The following GPSM1 variants were observed in gnomAD, a reference collection of about 807,000 sequenced individuals.
GPSM1 encodes the protein G protein-signaling modulator 1.
A neutral mutation model predicts 70.5 loss-of-function variants in GPSM1; 48 were observed. The ratio of observed to expected loss-of-function variants is 0.68; its 90% confidence interval spans 0.54 to 0.87. GPSM1 has a LOEUF of 0.87. GPSM1 is among the 40% of genes least tolerant of loss of function. The pLI, the probability that GPSM1 is intolerant of heterozygous loss-of-function variation, is 0.00. For missense variants in GPSM1, 981 were observed against 972.6 expected, an observed-to-expected ratio of 1.01 and a Z score of -0.11; for synonymous variants, 416 against 430.1, an observed-to-expected ratio of 0.97 and a Z score of 0.41.
rs1832770133 is a variant in GPSM1 at position 136,354,828 on chromosome 9, G to A, written c.1456-862G>A. ...GAGGGCTGTGTAGGGCATGGACACA[G>A]GGAGCTCATGGCAGGGCTGACACAG... On this transcript the variant is annotated intron_variant, in intron 11 of 13. Transcript: ENST00000440944. The A allele has an allele frequency of 3.0e-6, 3 of 996,480 alleles. No individual in the cohort carries two copies. The South Asian group carries it at 1.3e-4, about 43-fold the overall frequency. The allele number at this position is 996,480 out of a possible 1,614,324, so 61.7% of individuals were successfully genotyped here.
chr9:136,328,586 C>CG (rs1480838094), intron 1 of GPSM1, among the ~76,000 whole-genome samples: 5 of 152,196 alleles, frequency 3.3e-5, no homozygotes, highest in South Asian at 2.1e-4. Flanking sequence ...CAGCTGATCC[C>CG]GGGGGGCGCC....
chr9:136,357,154 C>T (rs1206280525), intron 13 of GPSM1, among the ~76,000 whole-genome samples: 1 of 152,206 alleles, frequency 6.6e-6, no homozygotes, highest in African/African-American at 2.4e-5. Flanking sequence ...ACTGCTGAGC[C>T]AACTGCTATC....
intron 1 of GPSM1, among the ~76,000 whole-genome samples, chr9:136,331,236 G>A (rs1021790053): frequency 5.3e-5 from 8 of 152,164 alleles, no homozygotes; most frequent in Admixed American, 2.6e-4. Context: ...CCTGGGGAGC[G>A]GCATCCCCCA....
chr9:136,346,577 G>T (rs28505901), intron 9 of GPSM1, among the ~76,000 whole-genome samples: 1 of 152,050 alleles, frequency 6.6e-6, no homozygotes, highest in Non-Finnish European at 1.5e-5. Context: ...CCCCTTCCCA[G>T]TTGGGGGTGG....
chr9:136,339,937 T>C, intron 8 of GPSM1, 122 bp downstream of exon 8: 1 of 666,274 alleles, frequency 1.5e-6, no homozygotes, highest in South Asian at 1.7e-5. Flanking sequence ...TCAGGGCCAT[T>C]GCAGCTGCCT....
intron 9 of GPSM1, among the ~76,000 whole-genome samples, chr9:136,344,143 A>T (rs1452303442): frequency 7.2e-6 from 1 of 138,778 alleles, no homozygotes; most frequent in Non-Finnish European, 1.6e-5. Context: ...GCGGACAGGA[A>T]CGGGGGAGGT....
At chr9:136,353,385 C>T (rs978658421) in intron 11 of GPSM1, among the ~76,000 whole-genome samples, 1 of 152,150 alleles carries the variant, frequency 6.6e-6, no homozygotes, top group Admixed American at 6.5e-5. Context: ...AGCAGGGAGG[C>T]GGAACCCCGA....
chr9:136,346,282 C>G (rs957745937), intron 9 of GPSM1, among the ~76,000 whole-genome samples: 3 of 152,226 alleles, frequency 2.0e-5, no homozygotes, highest in African/African-American at 7.2e-5. Flanking sequence ...AGGCATTCGC[C>G]GTGGGCTGGT....
At chr9:136,350,702 C>T (rs893491404) in intron 11 of GPSM1, among the ~76,000 whole-genome samples, 25 of 152,202 alleles carry the variant, frequency 1.6e-4, no homozygotes, top group African/African-American at 9.6e-5. Flanking sequence ...CTCAAGGTCA[C>T]GAGTGGAGCA....
intron 9 of GPSM1, among the ~76,000 whole-genome samples, chr9:136,344,490 G>A (rs1297286773): frequency 6.6e-6 from 1 of 152,184 alleles, no homozygotes; most frequent in Non-Finnish European, 1.5e-5. Flanking sequence ...TCCTCACCTA[G>A]CAGAGACAGC....
At chr9:136,339,653 G>C (rs1188233074) in intron 7 of GPSM1, 54 bp from the exon 8 acceptor site, 1 of 1,252,732 alleles carries the variant, frequency 8.0e-7, no homozygotes, top group Non-Finnish European at 1.1e-6. Context: ...AGGGGCTGGG[G>C]CTGGGGGCTG....
At chr9:136,333,608 C>T (rs577168038) in intron 1 of GPSM1, among the ~76,000 whole-genome samples, 2 of 152,252 alleles carry the variant, frequency 1.3e-5, no homozygotes, top group East Asian at 3.9e-4. Flanking sequence ...CCAAGCAGGG[C>T]GTTGGTGTTC....
chr9:136,336,845 G>T, intron 3 of GPSM1, 76 bp from the exon 4 acceptor site: 1 of 1,400,738 alleles, frequency 7.1e-7, no homozygotes, highest in South Asian at 1.4e-5. Flanking sequence ...GGACAGTGAG[G>T]ACACCGGTGT....
At chr9:136,351,406 C>T (rs1832659113) in intron 11 of GPSM1, among the ~76,000 whole-genome samples, 1 of 152,084 alleles carries the variant, frequency 6.6e-6, no homozygotes. Context: ...CCTGCCCTGT[C>T]CACAGCTGGG....
rs961272347 is a variant in GPSM1 at position 136,343,790 on chromosome 9, G to T, written c.1207+2797G>T. 5.1e-4 allele frequency among the ~76,000 whole-genome samples: 77 copies of T among 152,328 alleles called. No homozygotes were observed. The highest frequency in any genetic ancestry group is 1.8e-3 in the African/African-American group (75 of 41,576). ...AGCCTGTTGCGTTCGGGCCCTGGGT[G>T]GACGAGGCAGGTGTGGCTGCAGCAC... On this transcript the variant is annotated intron_variant, in intron 9 of 13. Transcript: ENST00000440944. The surrounding 1 kb of genome is among the most constrained non-coding windows in gnomAD (Gnocchi z 6.0).
chr9:136,337,099 A>C (rs1588693446), intron 4 of GPSM1, 27 bp downstream of exon 4: 2 of 1,529,916 alleles, frequency 1.3e-6, no homozygotes, highest in Non-Finnish European at 8.8e-7. Flanking sequence ...CAGCCCAGGG[A>C]CCGGGGCTGG....
intron 9 of GPSM1, among the ~76,000 whole-genome samples, chr9:136,346,375 G>A (rs1203511773): frequency 6.6e-6 from 1 of 152,036 alleles, no homozygotes; most frequent in East Asian, 1.9e-4. Context: ...CTTCCCCCCA[G>A]CTGCGTTTAG....
In GPSM1 at chr9:136,358,960, T is replaced by TA. The variant is rs1832922384; in HGVS notation, c.*741dup. ...GGCAGGGCCTGGTCCTAGGGATGCT[T>TA]ACTGGCAGCAAGAGCAGTGCCCAGT... On this transcript the variant is annotated 3_prime_UTR_variant, in exon 14 of 14. Transcript: ENST00000440944. The TA allele has an allele frequency of 6.6e-6, 1 of 152,364 alleles. No homozygotes were observed. 9.4% of individuals were successfully genotyped at this position (152,364 alleles called of 1,614,324 possible). A position where few individuals can be genotyped will look rare whatever the true frequency, so the allele number is the denominator to read the frequency against.
intron 7 of GPSM1, 37 bp downstream of exon 7, chr9:136,338,747 G>A (rs535277065): frequency 4.9e-5 from 75 of 1,516,388 alleles, no homozygotes; most frequent in African/African-American, 4.8e-4. Context: ...GACCCGGCCC[G>A]GCCCACAGGC....
Sources: allele counts gnomAD v4.1 joint callset (sites outside exome capture counted in the v4.1 genomes callset), GRCh38; gene constraint gnomAD v4.1.1; non-coding constraint Gnocchi (gnomAD v3.1); transcripts MANE v1.5; gene names NCBI Gene and HGNC (gene_info 2026-07-23, HGNC 2026-07-21).